NMNAT3: variants seen among roughly 807,000 people sequenced by gnomAD.
NMNAT3 encodes the protein nicotinamide nucleotide adenylyltransferase 3.
A neutral mutation model predicts 24.8 loss-of-function variants in NMNAT3; 21 were observed. That is an observed-to-expected ratio of 0.85 (90% CI 0.60 to 1.22). The LOEUF (loss-of-function observed/expected upper bound fraction) is 1.22. Ranked by LOEUF, NMNAT3 falls within the 50% of genes most tolerant of loss-of-function variation. The pLI is 0.00. For synonymous variants in NMNAT3, 136 were observed against 155.2 expected, an observed-to-expected ratio of 0.88 and a Z score of 0.92; for missense variants, 387 against 436.6, an observed-to-expected ratio of 0.89 and a Z score of 1.01.
intron 1 of NMNAT3, among the ~76,000 whole-genome samples, 159 bp from the exon 2 acceptor site, chr3:139,638,221 C>G (rs2056574076): frequency 6.6e-6 from 1 of 152,202 alleles, no homozygotes; most frequent in Non-Finnish European, 1.5e-5. Context: ...CAGTTCCCTT[C>G]CAAACTTAAA....
At chr3:139,563,280 A>G (rs1936695218) in intron 6 of NMNAT3, among the ~76,000 whole-genome samples, 1 of 152,158 alleles carries the variant, frequency 6.6e-6, no homozygotes, top group Non-Finnish European at 1.5e-5. Flanking sequence ...TTATCTATCC[A>G]ACCAGTGTAG....
intron 3 of NMNAT3, among the ~76,000 whole-genome samples, chr3:139,596,916 G>GTGTGTATATA (rs1393197797): frequency 3.8e-4 from 37 of 97,114 alleles, no homozygotes; most frequent in Non-Finnish European, 5.6e-4. Flanking sequence ...TGTCATGTGT[G>GTGTGTATATA]TATATATATA....
chr3:139,604,601 T>C (rs1046335934), intron 3 of NMNAT3, among the ~76,000 whole-genome samples: 3 of 152,200 alleles, frequency 2.0e-5, no homozygotes, highest in Non-Finnish European at 4.4e-5. Context: ...ACAAAGCTAA[T>C]TAATTGTAAG....
chr3:139,580,000 G>T (rs1022068386), intron 4 of NMNAT3, among the ~76,000 whole-genome samples: 1 of 152,106 alleles, frequency 6.6e-6, no homozygotes, highest in Non-Finnish European at 1.5e-5. Context: ...CCTTTCTTGT[G>T]TACTGGTGGG....
At chr3:139,619,257 A>G (rs1381437984) in intron 3 of NMNAT3, among the ~76,000 whole-genome samples, 1 of 152,286 alleles carries the variant, frequency 6.6e-6, no homozygotes, top group East Asian at 1.9e-4. Context: ...GTGGCAACCC[A>G]ATGTACAACA....
chr3:139,623,127 A>T (rs1343051948), intron 3 of NMNAT3, among the ~76,000 whole-genome samples: 1 of 151,884 alleles, frequency 6.6e-6, no homozygotes. Flanking sequence ...TTCTTTTGTA[A>T]TTATACTTAG....
chr3:139,582,367 C>T lies in NMNAT3; in HGVS notation c.391+560G>A, dbSNP rs1343002902. On this transcript the variant is annotated intron_variant, in intron 4 of 6. Transcript: ENST00000643695. ...TTAGAAAATGTACACTTAGGCCGGA[C>T]ATGATAGCTCATGCCTGTAATCCCA... 2.7e-5 allele frequency among the ~76,000 whole-genome samples: 4 copies of T among 149,474 alleles called. No individual in the cohort carries two copies. The East Asian group carries it at 6.1e-4, about 23-fold the overall frequency.
At chr3:139,662,322 A>G (rs1034805023) in intron 1 of NMNAT3, among the ~76,000 whole-genome samples, 2 of 152,138 alleles carry the variant, frequency 1.3e-5, no homozygotes, top group African/African-American at 4.8e-5. Context: ...TTGACCCATC[A>G]GTCAAACAGC....
At chr3:139,566,056 A>C (rs1937140376) in intron 6 of NMNAT3, 1 of 152,112 alleles carries the variant, frequency 6.6e-6, no homozygotes, top group South Asian at 2.1e-4. Flanking sequence ...TCGCCATTCT[A>C]ACTGGTGTGA....
intron 1 of NMNAT3, among the ~76,000 whole-genome samples, chr3:139,665,539 T>C (rs563804613): frequency 6.6e-6 from 1 of 152,274 alleles, no homozygotes; most frequent in African/African-American, 2.4e-5. Context: ...GGGAAGAGGA[T>C]GACCATGCTG....
intron 1 of NMNAT3, among the ~76,000 whole-genome samples, chr3:139,649,112 C>T (rs1047025612): frequency 6.6e-6 from 1 of 152,008 alleles, no homozygotes; most frequent in African/African-American, 2.4e-5. Flanking sequence ...AGCATGTATT[C>T]TTTTTTGTAA....
intron 1 of NMNAT3, among the ~76,000 whole-genome samples, chr3:139,664,620 G>C (rs933863903): frequency 6.6e-6 from 1 of 152,128 alleles, no homozygotes; most frequent in Admixed American, 6.5e-5. Context: ...TCATCTATTT[G>C]GTAACCTGGA....
At chr3:139,608,340 A>G (rs1363739464) in intron 3 of NMNAT3, among the ~76,000 whole-genome samples, 2 of 136,508 alleles carry the variant, frequency 1.5e-5, no homozygotes. Flanking sequence ...CCTAACAAAC[A>G]CTTGCAAAAC....
intron 1 of NMNAT3, among the ~76,000 whole-genome samples, chr3:139,641,234 C>G (rs183120841): frequency 1.3e-5 from 2 of 152,350 alleles, no homozygotes; most frequent in African/African-American, 4.8e-5. Context: ...ACCAGGCTCC[C>G]TCCCACAAAA....
At chr3:139,627,915 G>T (rs192295906) in intron 2 of NMNAT3, among the ~76,000 whole-genome samples, 151 bp from the exon 4 acceptor site, 1 of 152,330 alleles carries the variant, frequency 6.6e-6, no homozygotes, top group Admixed American at 6.5e-5. Flanking sequence ...TTGGCCATGG[G>T]CCATGAAGTA....
intron 3 of NMNAT3, among the ~76,000 whole-genome samples, chr3:139,606,632 C>T (rs2054958140): frequency 6.6e-6 from 1 of 152,174 alleles, no homozygotes; most frequent in Non-Finnish European, 1.5e-5. Context: ...ATTGATGATT[C>T]TGCTCTGTAA....
At chr3:139,581,211 T>C (rs1233134484) in intron 4 of NMNAT3, among the ~76,000 whole-genome samples, 1 of 152,078 alleles carries the variant, frequency 6.6e-6, no homozygotes, top group African/African-American at 2.4e-5. Flanking sequence ...AATAACCAAA[T>C]TGTGATGAGT....
intron 5 of NMNAT3, among the ~76,000 whole-genome samples, 153 bp from the exon 6 acceptor site, chr3:139,573,833 G>T (rs893200760): frequency 6.6e-6 from 1 of 152,324 alleles, no homozygotes; most frequent in South Asian, 2.1e-4. Context: ...GGCAGGCATT[G>T]CCAGGAGCTG....
chr3:139,598,268 G>A (rs1364027278), intron 3 of NMNAT3, among the ~76,000 whole-genome samples: 2 of 152,168 alleles, frequency 1.3e-5, no homozygotes, highest in Non-Finnish European at 2.9e-5. Context: ...TCCATTGAGA[G>A]GTGAAGTCTG....
Sources: gnomAD v4.1 joint callset for allele counts (sites outside exome capture counted in the v4.1 genomes callset) on GRCh38, gnomAD v4.1.1 for gene constraint, MANE v1.5 for transcripts, NCBI Gene and HGNC (gene_info 2026-07-23, HGNC 2026-07-21) for gene names.